Variants in CLIC5 observed in about 807,000 individuals in gnomAD.
CLIC5 encodes CLIC family member 5, also known as chloride intracellular channel protein 5.
CLIC5 carries 20 observed loss-of-function variants against 24.7 expected under a neutral mutation model. The ratio of observed to expected loss-of-function variants is 0.81; its 90% CI spans 0.57 to 1.18. The LOEUF is 1.18. Ranked by LOEUF, CLIC5 falls within the 50% of genes most tolerant of loss-of-function variation. The pLI is 0.00. For synonymous variants in CLIC5, 159 were observed against 135.6 expected (o/e 1.17, Z -1.20); for missense variants, 341 against 326.1 (o/e 1.05, Z -0.35).
At chr6:46,102,896 G>A in the CLIC5 span, among the ~76,000 whole-genome samples, 1 of 152,206 alleles carries the variant, frequency 6.6e-6, no homozygotes, top group East Asian at 1.9e-4. Context: ...CGTCAATGAA[G>A]AATGCCTCGT....
the CLIC5 span, chr6:46,123,037 T>A: frequency 6.6e-6 from 1 of 152,248 alleles, no homozygotes; most frequent in East Asian, 1.9e-4. Flanking sequence ...TCTGAAACTA[T>A]TCCAATCAAT....
the CLIC5 span, among the ~76,000 whole-genome samples, chr6:46,112,033 A>G: frequency 1.2e-4 from 19 of 152,280 alleles, no homozygotes; most frequent in Non-Finnish European, 2.8e-4. Flanking sequence ...ACCAGTCTCA[A>G]GTATGTCTTT....
intron 1 of CLIC5, among the ~76,000 whole-genome samples, chr6:46,004,846 A>G (rs1230491309): frequency 3.3e-5 from 5 of 152,212 alleles, no homozygotes; most frequent in Non-Finnish European, 5.9e-5. Context: ...CACAAGTAAA[A>G]CCTGAGTCAT....
the CLIC5 span, among the ~76,000 whole-genome samples, chr6:46,101,962 A>G: frequency 6.6e-6 from 1 of 151,290 alleles, no homozygotes; most frequent in Non-Finnish European, 1.5e-5. Flanking sequence ...AATATTGAGA[A>G]AAAAAAAAGA....
At position 45,969,802 on chromosome 6, in the gene CLIC5, T is replaced by G. The variant is rs572564129; in HGVS notation, c.64-14558A>C. ...GATTCACATTCACATCAAGGTTTTT[T>G]TTTTTTTTTTTTTTTTTAATCGTGG... On this transcript the variant is annotated intron_variant, in intron 1 of 5. Coordinates refer to ENST00000339561, the MANE Select transcript of CLIC5 (RefSeq NM_016929.5). 3.0e-4 allele frequency among the ~76,000 whole-genome samples: 45 copies of G among 150,130 alleles called. No homozygotes were observed. The East Asian group carries it at 8.4e-3, about 28-fold the overall frequency.
the CLIC5 span, among the ~76,000 whole-genome samples, chr6:46,086,047 C>T: frequency 6.6e-6 from 1 of 152,204 alleles, no homozygotes. Flanking sequence ...ACCCTCCGAG[C>T]CATGTGTGGG....
intron 1 of CLIC5, among the ~76,000 whole-genome samples, chr6:46,042,343 C>G (rs1438940056): frequency 6.6e-6 from 1 of 151,504 alleles, no homozygotes; most frequent in Admixed American, 6.6e-5. Context: ...ATTTTTTTTT[C>G]AATAATTTCC....
At chr6:45,886,095 AAGG>A (rs1286448924) in intron 6 of CLIC5, among the ~76,000 whole-genome samples, 1 of 152,188 alleles carries the variant, frequency 6.6e-6, no homozygotes, top group African/African-American at 2.4e-5. Flanking sequence ...AGGTTACCAG[AAGG>A]AGGAGGCTTC....
chr6:45,915,582 A>G (rs1762999403), intron 4 of CLIC5, among the ~76,000 whole-genome samples: 1 of 152,208 alleles, frequency 6.6e-6, no homozygotes, highest in Non-Finnish European at 1.5e-5. Context: ...CTCCACCACA[A>G]ATGTGCAACC....
chr6:46,080,533 A>T (rs1762898175), upstream of CLIC5, among the ~76,000 whole-genome samples: 1 of 152,202 alleles, frequency 6.6e-6, no homozygotes, highest in Non-Finnish European at 1.5e-5. Context: ...TAACTCCAAG[A>T]TTCTTTGGGT....
At chr6:46,125,184 C>CTGGAT in the CLIC5 span, among the ~76,000 whole-genome samples, 2 of 152,000 alleles carry the variant, frequency 1.3e-5, no homozygotes. Flanking sequence ...ACCCAAATGT[C>CTGGAT]CAACAATGAT....
Position 45,901,264 on chromosome 6 carries a change from G to A in CLIC5, c.*1824C>T, listed in dbSNP as rs1028154990. 1 of 152,090 alleles carries A rather than the reference G, an allele frequency of 6.6e-6. No individual in the cohort carries two copies. The highest frequency in any genetic ancestry group is 2.1e-4 in the South Asian group (1 of 4,828). 9.4% of individuals were successfully genotyped at this position (152,090 alleles called of 1,614,324 possible). On this transcript the variant is annotated 3_prime_UTR_variant, in exon 6 of 6. Transcript: ENST00000339561. Reference sequence around the variant, plus strand: ...GACCTGGAAAGGTTCCTTTTGAGGTGGAAATGAATCAACTCATTCCGCCTT... The same window carrying A: ...GACCTGGAAAGGTTCCTTTTGAGGTAGAAATGAATCAACTCATTCCGCCTT...
chr6:45,910,830 C>T (rs1010122549), intron 5 of CLIC5, among the ~76,000 whole-genome samples: 1 of 152,196 alleles, frequency 6.6e-6, no homozygotes, highest in Non-Finnish European at 1.5e-5. Context: ...TGGAGAGAGC[C>T]AGCAAGGTTG....
At chr6:45,974,794 T>C (rs941217477) in intron 1 of CLIC5, among the ~76,000 whole-genome samples, 1 of 152,054 alleles carries the variant, frequency 6.6e-6, no homozygotes, top group Non-Finnish European at 1.5e-5. Flanking sequence ...GATATATATG[T>C]AACCCCATCC....
In CLIC5 at chr6:45,949,318, C is replaced by A; in HGVS notation, c.237G>T (p.Gly79=). The change falls in exon 3 of 6, where the codon GGG becomes GGT. Residue 79 remains glycine, a synonymous_variant. Coordinates refer to ENST00000339561, the MANE Select transcript of CLIC5 (RefSeq NM_016929.5). ...GTHPPFLTFN[G]DVKTDVNKIE... Reference sequence around the variant, plus strand: ...TCTTATTGACGTCTGTCTTCACGTCCCCGTTGAAGGTCAGGAAGGGCGGGT... The same window carrying A: ...TCTTATTGACGTCTGTCTTCACGTCACCGTTGAAGGTCAGGAAGGGCGGGT... The A allele has an allele frequency of 6.2e-7, 1 of 1,613,906 alleles. No homozygotes were observed.
chr6:45,975,692 A>G (rs1372767667), intron 1 of CLIC5, among the ~76,000 whole-genome samples: 2 of 152,220 alleles, frequency 1.3e-5, no homozygotes, highest in African/African-American at 4.8e-5. Flanking sequence ...ATTACAAAGA[A>G]CAAGACAATA....
Position 45,901,876 on chromosome 6 carries a change from T to C in CLIC5, c.*1212A>G, listed in dbSNP as rs368933142. 1 of 152,582 alleles carries C rather than the reference T, an allele frequency of 6.6e-6. No homozygotes were observed. The highest frequency in any genetic ancestry group is 1.5e-5 in the Non-Finnish European group (1 of 68,028). 9.5% of individuals were successfully genotyped at this position (152,582 alleles called of 1,614,324 possible). A position where few individuals can be genotyped will look rare whatever the true frequency, so the allele number is the denominator to read the frequency against. Reference sequence around the variant, plus strand: ...ATGGTTTCCTAGTCAGAAAGTCTCATGGACTTTCTTCCTAAGGTGTTCTAT... The same window carrying C: ...ATGGTTTCCTAGTCAGAAAGTCTCACGGACTTTCTTCCTAAGGTGTTCTAT... On this transcript the variant is annotated 3_prime_UTR_variant, in exon 6 of 6. Coordinates refer to ENST00000339561, the MANE Select transcript of CLIC5 (RefSeq NM_016929.5).
intron 1 of CLIC5, among the ~76,000 whole-genome samples, chr6:46,022,842 C>T (rs968329873): frequency 7.9e-5 from 12 of 152,296 alleles, no homozygotes; most frequent in African/African-American, 2.9e-4. Flanking sequence ...CCCCTGAGAA[C>T]ATACAGTGTG....
intron 1 of CLIC5, among the ~76,000 whole-genome samples, chr6:46,066,761 G>A (rs1322822247): frequency 1.3e-5 from 2 of 152,160 alleles, no homozygotes; most frequent in Admixed American, 6.5e-5. Flanking sequence ...CAGGCACTGA[G>A]GGAGAATACC....
Sources: gnomAD v4.1 joint callset for allele counts (sites outside exome capture counted in the v4.1 genomes callset) on GRCh38, gnomAD v4.1.1 for gene constraint, MANE v1.5 for transcripts, NCBI Gene and HGNC (gene_info 2026-07-23, HGNC 2026-07-21) for gene names.